The following LRFN5 variants were observed in gnomAD, a reference collection of about 807,000 sequenced individuals.
LRFN5 encodes the protein leucine-rich repeat and fibronectin type-III domain-containing protein 5.
A neutral mutation model predicts 45.6 loss-of-function variants in LRFN5; 24 were observed. The ratio of observed to expected loss-of-function variants is 0.53; its 90% CI spans 0.38 to 0.74. LRFN5 has a LOEUF of 0.74. Among genes scored for constraint, LRFN5 ranks in the 30% least tolerant of loss-of-function variants. The pLI, the probability that LRFN5 is intolerant of heterozygous loss-of-function variation, is 0.00. For missense variants in LRFN5, 776 were observed against 861.5 expected (o/e 0.90, Z 1.24); for synonymous variants, 340 against 313.8 (o/e 1.08, Z -0.88).
chr14:41,681,594 G>A (rs566370291), intron 1 of LRFN5, among the ~76,000 whole-genome samples: 34 of 151,844 alleles, frequency 2.2e-4, no homozygotes, highest in Non-Finnish European at 4.0e-4. Flanking sequence ...ATGAACGAAA[G>A]CCAAGGGATT....
intron 2 of LRFN5, among the ~76,000 whole-genome samples, chr14:41,767,854 G>T (rs926217909): frequency 4.6e-5 from 7 of 152,130 alleles, no homozygotes; most frequent in Non-Finnish European, 7.4e-5. Flanking sequence ...GGACTTTCCT[G>T]GTTCATACTT....
intron 1 of LRFN5, chr14:41,700,542 A>C (rs1037401637): frequency 6.6e-6 from 1 of 152,034 alleles, no homozygotes; most frequent in Non-Finnish European, 1.5e-5. Flanking sequence ...ACAATGTATT[A>C]TTAGAGGTAG....
chr14:41,841,088 C>A (rs565538574), intron 2 of LRFN5, among the ~76,000 whole-genome samples: 9 of 151,288 alleles, frequency 5.9e-5, no homozygotes, highest in Non-Finnish European at 8.9e-5. Context: ...AAAAAAAAAA[C>A]CACTTTTCTT....
chr14:41,866,923 A>T (rs192662631), intron 2 of LRFN5, among the ~76,000 whole-genome samples: 10 of 152,280 alleles, frequency 6.6e-5, no homozygotes, highest in Non-Finnish European at 1.2e-4. Flanking sequence ...TATTAGCTAC[A>T]TAATATTGGA....
intron 1 of LRFN5, among the ~76,000 whole-genome samples, chr14:41,688,974 A>AG (rs2138700547): frequency 6.6e-6 from 1 of 151,248 alleles, no homozygotes; most frequent in African/African-American, 2.4e-5. Flanking sequence ...CTGTAGTTGG[A>AG]GTCCCAGCTA....
chr14:41,884,794 C>T (rs909987422), intron 2 of LRFN5, among the ~76,000 whole-genome samples: 2 of 152,080 alleles, frequency 1.3e-5, no homozygotes, highest in African/African-American at 4.8e-5. Flanking sequence ...AATGAATCTC[C>T]GGATTGGCCA....
At chr14:41,768,643 T>G (rs575713831) in intron 2 of LRFN5, among the ~76,000 whole-genome samples, 1 of 152,210 alleles carries the variant, frequency 6.6e-6, no homozygotes, top group East Asian at 1.9e-4. Context: ...AATGTAAAAA[T>G]AGTGTGTTTC....
At chr14:41,860,009 T>G (rs1889606613) in intron 2 of LRFN5, among the ~76,000 whole-genome samples, 1 of 152,182 alleles carries the variant, frequency 6.6e-6, no homozygotes. Flanking sequence ...GTGGCCATCA[T>G]GCATTCCTGT....
At chr14:41,859,265 T>C (rs72670411) in intron 2 of LRFN5, among the ~76,000 whole-genome samples, 6,025 of 152,280 alleles carry the variant, frequency 0.04, 175 homozygotes, top group Non-Finnish European at 0.057. Flanking sequence ...TCAGACTATA[T>C]TTATGACTAA....
intron 2 of LRFN5, among the ~76,000 whole-genome samples, chr14:41,863,384 T>C (rs1390987631): frequency 6.6e-6 from 1 of 152,208 alleles, no homozygotes; most frequent in Non-Finnish European, 1.5e-5. Flanking sequence ...CAACCTTCCT[T>C]ATTTTCCAAA....
At chr14:41,646,136 T>G (rs949319652) in intron 1 of LRFN5, among the ~76,000 whole-genome samples, 3 of 152,096 alleles carry the variant, frequency 2.0e-5, no homozygotes, top group Non-Finnish European at 2.9e-5. Context: ...AACATCCTTC[T>G]TTTAGCCATT....
intron 1 of LRFN5, among the ~76,000 whole-genome samples, chr14:41,757,317 T>A (rs1213651138): frequency 1.3e-5 from 2 of 152,198 alleles, no homozygotes; most frequent in Non-Finnish European, 2.9e-5. Context: ...TGCAGAGATT[T>A]CTGCTGCCTT....
chr14:41,731,014 A>G (rs1031601238), intron 1 of LRFN5, among the ~76,000 whole-genome samples: 9 of 152,070 alleles, frequency 5.9e-5, no homozygotes, highest in Non-Finnish European at 1.5e-5. Context: ...TAAAAACAAA[A>G]GGAAATTTTG....
At chr14:41,807,038 A>T (rs763404736) in intron 2 of LRFN5, among the ~76,000 whole-genome samples, 1 of 152,140 alleles carries the variant, frequency 6.6e-6, no homozygotes, top group Non-Finnish European at 1.5e-5. Flanking sequence ...TCCAGAAAAG[A>T]CTAACTTGCA....
At chr14:41,837,194 C>A (rs75855266) in intron 2 of LRFN5, among the ~76,000 whole-genome samples, 29 of 75,392 alleles carry the variant, frequency 3.8e-4, no homozygotes, top group South Asian at 1.6e-3. Context: ...ACACACTCCA[C>A]AAAAAAAAAA....
chr14:41,836,355 CA>C (rs1438191734), intron 2 of LRFN5, among the ~76,000 whole-genome samples: 3 of 152,092 alleles, frequency 2.0e-5, no homozygotes, highest in Non-Finnish European at 2.9e-5. Flanking sequence ...ACCAACAAAA[CA>C]AACTCATTTA....
At position 41,891,674 on chromosome 14, in the gene LRFN5, A is replaced by G. The variant is rs1566509265; in HGVS notation, c.1810A>G (p.Lys604Glu). 1.2e-6 allele frequency: 2 copies of G among 1,614,222 alleles called. No homozygotes were observed. The highest frequency in any genetic ancestry group is 2.2e-5 in the East Asian group (1 of 44,884). The part of the protein sequence containing the change: ...VGHEENAQCC[K>E]ATSDNVIQSS... ...ACACGAAGAGAATGCCCAGTGTTGT[A>G]AAGCTACCAGTGACAATGTGATTCA... The change falls in exon 4 of 6, where the codon AAA (lysine) becomes GAA (glutamate). Residue 604 changes from lysine (K) to glutamate (E), a missense_variant. Lys to Glu is a moderately conservative substitution (Grantham distance 56). This residue lies in a region of LRFN5 where 465 missense variants were observed against 456.4 expected (regional missense o/e 1.02). Coordinates refer to ENST00000298119, the MANE Select transcript of LRFN5 (RefSeq NM_152447.5).
chr14:41,880,616 T>C (rs1408533866), intron 2 of LRFN5, among the ~76,000 whole-genome samples: 1 of 152,218 alleles, frequency 6.6e-6, no homozygotes, highest in Non-Finnish European at 1.5e-5. Flanking sequence ...AGTTGCATTT[T>C]ATAATTATAA....
intron 2 of LRFN5, among the ~76,000 whole-genome samples, chr14:41,822,785 A>G (rs1389686926): frequency 6.7e-6 from 1 of 148,586 alleles, no homozygotes; most frequent in Non-Finnish European, 1.5e-5. Context: ...CATATATTTT[A>G]TTAGGTCTAG....
Sources: gnomAD v4.1 joint callset for allele counts (sites outside exome capture counted in the v4.1 genomes callset) on GRCh38, gnomAD v4.1.1 for gene constraint, gnomAD v4.1.1 regional missense constraint, MANE v1.5 for transcripts, NCBI Gene and HGNC (gene_info 2026-07-23, HGNC 2026-07-21) for gene names.